ADAMTS20: variants seen among roughly 807,000 people sequenced by gnomAD.
ADAMTS20 encodes ADAM metallopeptidase with thrombospondin type 1 motif 20, also known as A disintegrin and metalloproteinase with thrombospondin motifs 20.
Under a neutral mutation model 260.1 loss-of-function variants are expected in ADAMTS20, and 225 were observed. The observed-to-expected ratio is 0.87, with a 90% confidence interval of 0.78 to 0.97. ADAMTS20 has a LOEUF of 0.97. Ranked by LOEUF, ADAMTS20 falls within the 50% of genes least tolerant of loss-of-function variation. The pLI, the probability that ADAMTS20 is intolerant of heterozygous loss-of-function variation, is 0.00. For synonymous variants in ADAMTS20, 802 were observed against 769.5 expected, an observed-to-expected ratio of 1.04 and a Z score of -0.70; for missense variants, 2,400 against 2,337.7, an observed-to-expected ratio of 1.03 and a Z score of -0.55.
At chr12:43,401,174 A>G (rs1426299135) in intron 28 of ADAMTS20, among the ~76,000 whole-genome samples, 1 of 151,978 alleles carries the variant, frequency 6.6e-6, no homozygotes, top group African/African-American at 2.4e-5. Context: ...AAGTGTTCAA[A>G]GAGAAGATAA....
At chr12:43,426,369 G>A (rs1477758807) in intron 27 of ADAMTS20, among the ~76,000 whole-genome samples, 3 of 152,128 alleles carry the variant, frequency 2.0e-5, no homozygotes, top group African/African-American at 7.2e-5. Context: ...TCTTAAAAAT[G>A]TGCTTGATAT....
At chr12:43,447,578 G>A (rs1234011297) in intron 14 of ADAMTS20, among the ~76,000 whole-genome samples, 1 of 152,038 alleles carries the variant, frequency 6.6e-6, no homozygotes, top group African/African-American at 2.4e-5. Context: ...CTTGAAAACT[G>A]GCAGAAGACA....
intron 8 of ADAMTS20, among the ~76,000 whole-genome samples, chr12:43,467,894 A>T (rs946701048): frequency 7.2e-5 from 11 of 152,106 alleles, no homozygotes; most frequent in African/African-American, 2.2e-4. Flanking sequence ...GCAACTCTAG[A>T]CTCAGGTCCT....
intron 2 of ADAMTS20, among the ~76,000 whole-genome samples, chr12:43,536,343 G>C (rs181092299): frequency 1.3e-5 from 2 of 152,214 alleles, no homozygotes; most frequent in East Asian, 3.9e-4. Context: ...CTATGAACTA[G>C]TCAATAAATA....
intron 2 of ADAMTS20, among the ~76,000 whole-genome samples, chr12:43,541,895 G>A (rs939878460): frequency 4.6e-5 from 7 of 152,236 alleles, no homozygotes; most frequent in Admixed American, 1.3e-4. Flanking sequence ...AAATAAATAC[G>A]TTGCTGGTAC....
At chr12:43,377,021 T>C (rs149754560) in intron 32 of ADAMTS20, among the ~76,000 whole-genome samples, 8 of 152,326 alleles carry the variant, frequency 5.3e-5, no homozygotes, top group African/African-American at 1.9e-4. Flanking sequence ...AAATTGGAAA[T>C]AGAATATGAT....
Position 43,493,176 on chromosome 12 carries a change from A to T in ADAMTS20, c.945T>A (p.Arg315=). The T allele has an allele frequency of 6.4e-7, 1 of 1,558,376 alleles. No individual in the cohort carries two copies. The highest frequency in any genetic ancestry group is 8.7e-7 in the Non-Finnish European group (1 of 1,149,488). ...IVVVKLVMIH[R]EEEGPVINFD... ...TTTTAGACCTGTTTCTTACCTCCTC[A>T]CGGTGAATCATAACTAATTTTACCA... Residue 315 remains arginine, a synonymous_variant, in exon 5 of 39, where the codon CGT becomes CGA. Transcript: ENST00000389420.
rs562025247 is a variant in ADAMTS20 at position 43,456,269 on chromosome 12, A to T, written c.1615-2217T>A. ...GATAATTTGCAAAGTGGTTTCCTAG[A>T]TTATCACTACAGATAATTCACAAAG... On this transcript the variant is annotated intron_variant, in intron 11 of 38. Transcript: ENST00000389420. Among the ~76,000 whole-genome samples the T allele has an allele frequency of 2.8e-4, 42 of 152,344 alleles. No individual in the cohort carries two copies. The South Asian group carries it at 8.7e-3, about 32-fold the overall frequency.
intron 29 of ADAMTS20, among the ~76,000 whole-genome samples, chr12:43,395,693 T>G (rs1940686875): frequency 6.7e-6 from 1 of 148,794 alleles, no homozygotes; most frequent in Non-Finnish European, 1.5e-5. Context: ...TTTTTTTTTT[T>G]TTTTTTTGAG....
At chr12:43,391,176 A>C (rs1222039760) in intron 29 of ADAMTS20, among the ~76,000 whole-genome samples, 3 of 152,238 alleles carry the variant, frequency 2.0e-5, no homozygotes, top group Admixed American at 2.0e-4. Flanking sequence ...TGAAGGAACA[A>C]GCTAGATCTC....
intron 28 of ADAMTS20, among the ~76,000 whole-genome samples, chr12:43,420,328 T>G (rs1941202416): frequency 6.6e-6 from 1 of 152,212 alleles, no homozygotes; most frequent in South Asian, 2.1e-4. Context: ...CTCATACTTT[T>G]GGGGAGAATC....
intron 11 of ADAMTS20, among the ~76,000 whole-genome samples, chr12:43,462,350 G>C (rs1243811248): frequency 2.0e-5 from 3 of 152,156 alleles, no homozygotes; most frequent in Non-Finnish European, 2.9e-5. Context: ...TCATTATCAT[G>C]GTGAGCGTTA....
At chr12:43,375,344 G>A in intron 36 of ADAMTS20, 35 bp downstream of exon 36, 1 of 1,599,380 alleles carries the variant, frequency 6.3e-7, no homozygotes, top group Non-Finnish European at 8.5e-7. Flanking sequence ...GCAAATGGAG[G>A]CTTTTTGATT....
chr12:43,454,583 G>A (rs907004789), intron 11 of ADAMTS20, among the ~76,000 whole-genome samples: 6 of 152,102 alleles, frequency 3.9e-5, no homozygotes, highest in Non-Finnish European at 7.4e-5. Context: ...ATTCAGCCTT[G>A]CTACCTGTTA....
In ADAMTS20 at chr12:43,420,838, C is replaced by T. The variant is rs1245908322; in HGVS notation, c.4284+4676G>A. Among the ~76,000 whole-genome samples the T allele has an allele frequency of 1.1e-4, 6 of 55,926 alleles. No individual in the cohort carries two copies. The East Asian group carries it at 6.4e-3, about 59-fold the overall frequency. The allele number at this position is 55,926 out of a possible 152,430, so 36.7% of individuals were successfully genotyped here. On this transcript the variant is annotated intron_variant, in intron 28 of 38. Coordinates refer to ENST00000389420, the MANE Select transcript of ADAMTS20 (RefSeq NM_025003.5). ...TTTTTTTTTTTTTGAGATGGGGTCT[C>T]GGTCTGTCACGCAGGCTGGAATGCA...
rs151203201 is a variant in ADAMTS20 at position 43,457,023 on chromosome 12, A to G, written c.1615-2971T>C. On this transcript the variant is annotated intron_variant, in intron 11 of 38. Transcript: ENST00000389420. ...ATAAGAGAGCTGAACATACTGACAT[A>G]CTGATTCTTTGAAGAGAAACCTGGG... 6.0e-3 allele frequency among the ~76,000 whole-genome samples: 920 copies of G among 152,332 alleles called. 9 individuals carry two copies. The highest frequency in any genetic ancestry group is 0.021 in the African/African-American group (879 of 41,572).
chr12:43,549,289 C>T (rs1447103494), intron 2 of ADAMTS20, among the ~76,000 whole-genome samples: 1 of 151,440 alleles, frequency 6.6e-6, no homozygotes, highest in South Asian at 2.1e-4. Context: ...ATAAAATGAA[C>T]TAGGTTATAA....
In ADAMTS20 at chr12:43,493,099, C is replaced by T. The variant is rs1942628434; in HGVS notation, c.951+71G>A. The T allele has an allele frequency of 4.0e-6, 4 of 1,001,554 alleles. No individual in the cohort carries two copies. The East Asian group carries it at 7.9e-5, about 20-fold the overall frequency. 62.0% of individuals were successfully genotyped at this position (1,001,554 alleles called of 1,614,324 possible). On this transcript the variant is annotated intron_variant, in intron 5 of 38. Coordinates refer to ENST00000389420, the MANE Select transcript of ADAMTS20 (RefSeq NM_025003.5). ...AAATATCTCATTTCTAATAAGAGTT[C>T]CATAATCTCTACGTATTGTCACTAA...
Position 43,428,697 on chromosome 12 carries a change from G to A in ADAMTS20, c.3592C>T (p.Pro1198Ser), listed in dbSNP as rs763755467. 8.1e-6 allele frequency: 13 copies of A among 1,612,168 alleles called. No individual in the cohort carries two copies. Among genetic ancestry groups the A allele is most frequent in the South Asian group, 1.1e-5 (1 of 90,926 alleles). The change falls in exon 25 of 39, where the codon CCT becomes TCT. Residue 1198 changes from proline to serine, a missense_variant. Pro to Ser is a moderately conservative substitution (Grantham distance 74). Transcript: ENST00000389420. The stretch of plus-strand genomic sequence containing the variant: ...GTAAAACAGTCCCATATTTCAGCAG[G>A]TCGGGGTAAGTGGGCACAATATGAT... ...DESYCAHLPR[P>S]AEIWDCFTPC...
Sources: gnomAD v4.1 joint callset for allele counts (sites outside exome capture counted in the v4.1 genomes callset) on GRCh38, gnomAD v4.1.1 for gene constraint, MANE v1.5 for transcripts, NCBI Gene and HGNC (gene_info 2026-07-23, HGNC 2026-07-21) for gene names.